Variants in ZNF669 observed in about 807,000 individuals in gnomAD.
The protein encoded by ZNF669 is zinc finger protein 669.
ZNF669 carries 7 observed loss-of-function variants against 11.4 expected under a neutral mutation model. The observed-to-expected ratio is 0.62, with a 90% CI of 0.35 to 1.16. The LOEUF (loss-of-function observed/expected upper bound fraction) is 1.16. Among genes scored for constraint, ZNF669 ranks in the 50% most tolerant of loss-of-function variants. ZNF669 has a pLI of 0.02. For missense variants in ZNF669, 492 were observed against 463.6 expected, an observed-to-expected ratio of 1.06 and a Z score of -0.56; for synonymous variants, 153 against 155.8, an observed-to-expected ratio of 0.98 and a Z score of 0.13.
intron 1 of ZNF669, among the ~76,000 whole-genome samples, chr1:247,103,487 A>G (rs1168285622): frequency 5.3e-5 from 8 of 152,004 alleles, no homozygotes; most frequent in African/African-American, 1.9e-4. Context: ...TACAAAAATT[A>G]GCTGGGCGTG....
Position 247,104,286 on chromosome 1 carries a change from C to T in ZNF669, c.-87G>A. The stretch of plus-strand genomic sequence containing the variant: ...GGTGGCAGAGGCTGCTGCAGAGCCA[C>T]CTGGGCCTCCCAGAGCCAAGAACTA... On this transcript the variant is annotated 5_prime_UTR_variant, in exon 1 of 4. The change creates a new upstream start codon in the 5' untranslated region. Transcript: ENST00000448299. 5 of 1,435,408 alleles carry T rather than the reference C, an allele frequency of 3.5e-6. No homozygotes were observed. The highest frequency in any genetic ancestry group is 4.6e-6 in the Non-Finnish European group (5 of 1,093,846). The allele number at this position is 1,435,408 out of a possible 1,614,324, so 88.9% of individuals were successfully genotyped here. A position where few individuals can be genotyped will look rare whatever the true frequency, so the allele number is the denominator to read the frequency against.
Position 247,103,632 on chromosome 1 carries a change from CAAAAAAAAAAAAA to C in ZNF669, c.3+552_3+564del, listed in dbSNP as rs58671011. Among the ~76,000 whole-genome samples, 9 of 49,978 alleles carry C rather than the reference CAAAAAAAAAAAAA, an allele frequency of 1.8e-4. No homozygotes were observed. The South Asian group carries it at 4.9e-3, about 27-fold the overall frequency. The allele number at this position is 49,978 out of a possible 152,430, so 32.8% of individuals were successfully genotyped here. On this transcript the variant is annotated intron_variant, in intron 1 of 3. Coordinates refer to ENST00000448299, the MANE Select transcript of ZNF669 (RefSeq NM_001142572.2). ...TGGCGACAGGGCGAGATTCCGTCTC[CAAAAAAAAAAAAA>C]AAAAAAAAAAAAAAGAATATGGTTT...
rs760725768 is a variant in ZNF669 at position 247,100,500 on chromosome 1, G to A, written c.1011C>T (p.Cys337=). ...TGEKPYECKK[C]GKAYTRSSHL... The stretch of plus-strand genomic sequence containing the variant: ...GACTGGAACGAGTGTAGGCTTTACC[G>A]CATTTCTTACATTCATAGGGTTTTT... Residue 337 remains cysteine (C), a synonymous_variant, in exon 4 of 4, where the codon TGC becomes TGT. Transcript: ENST00000448299. 4.3e-6 allele frequency: 7 copies of A among 1,614,060 alleles called. No individual in the cohort carries two copies. Among genetic ancestry groups the A allele is most frequent in the Middle Eastern group, 1.6e-4 (1 of 6,076 alleles).
Position 247,100,443 on chromosome 1 carries a change from T to C in ZNF669, c.1068A>G (p.Ile356Met). ...AGGCTGAGTCACTACACCCAGCCTC[T>C]ATATCATGACTTCTTTCATGGCGAG... ...HLTRHERSHD[I>M]EAGCSDSAYN... Residue 356 changes from isoleucine (I) to methionine (M), a missense_variant, in exon 4 of 4, where the codon ATA (isoleucine) becomes ATG (methionine). By Grantham distance (10) the Ile-to-Met change is conservative (BLOSUM62 1). Coordinates refer to ENST00000448299, the MANE Select transcript of ZNF669 (RefSeq NM_001142572.2). 1 of 1,614,216 alleles carries C rather than the reference T, an allele frequency of 6.2e-7. No homozygotes were observed. The highest frequency in any genetic ancestry group is 8.5e-7 in the Non-Finnish European group (1 of 1,180,040).
rs191137049 is a variant in ZNF669, at chr1:247,101,124, T to C, written c.387A>G (p.Lys129=). ...ATTTATATTGCTTCTCTCCATATGG[T>C]TTGTATCCTGAGTGAGCTAGGATAT... ...NRHILAHSGY[K]PYGEKQYKCE... Residue 129 remains lysine (K), a synonymous_variant, in exon 4 of 4, where the codon AAA becomes AAG. Coordinates refer to ENST00000448299, the MANE Select transcript of ZNF669 (RefSeq NM_001142572.2). 96 of 1,614,074 alleles carry C rather than the reference T, an allele frequency of 5.9e-5. 2 individuals carry two copies. The Admixed American group carries it at 1.5e-3, about 26-fold the overall frequency.
In ZNF669 at chr1:247,104,179, C is replaced by G. The variant is rs1671794337; in HGVS notation, c.3+18G>C. 2 of 1,532,440 alleles carry G rather than the reference C, an allele frequency of 1.3e-6. No individual in the cohort carries two copies. Among genetic ancestry groups the G allele is most frequent in the East Asian group, 4.6e-5 (2 of 43,578 alleles). The allele number at this position is 1,532,440 out of a possible 1,614,324, so 94.9% of individuals were successfully genotyped here. On this transcript the variant is annotated intron_variant, in intron 1 of 3. Transcript: ENST00000448299. ...AGCCCTCTTCTCCACTTCGGGAAGC[C>G]AGGCGCAGTCCACTCACCATTCCTC... is the stretch of plus-strand genomic sequence containing the variant.
intron 2 of ZNF669, 64 bp downstream of exon 2, chr1:247,101,923 C>T (rs1310684182): frequency 2.0e-5 from 33 of 1,611,238 alleles, no homozygotes; most frequent in Non-Finnish European, 2.5e-5. Context: ...CATTCCAAAT[C>T]ATAAATAGCA....
intron 1 of ZNF669, 43 bp downstream of exon 1, chr1:247,104,154 A>G (rs1232776964): frequency 1.9e-6 from 3 of 1,553,790 alleles, no homozygotes; most frequent in African/African-American, 2.8e-5. Context: ...GGTTTCAACC[A>G]GCCCTCTTCT....
rs747219179 is a variant in ZNF669, at chr1:247,100,716, G to GT, written c.794dup (p.Tyr265Ter). 2.2e-5 allele frequency: 35 copies of GT among 1,614,052 alleles called. No individual in the cohort carries two copies. The highest frequency in any genetic ancestry group is 3.0e-5 in the Non-Finnish European group (35 of 1,180,030). The change falls in exon 4 of 4, where the codon TAC becomes TAAC. Residue 265 changes from tyrosine to a stop codon, truncating the protein, a stop_gained and frameshift_variant. Coordinates refer to ENST00000448299, the MANE Select transcript of ZNF669 (RefSeq NM_001142572.2). LOFTEE classifies it low-confidence loss of function (END_TRUNC). ...KAFSCSTSLR[Y>*]HGSIHTGERP... ...TCTCTCCAGTATGAATGCTTCCATG[G>GT]TAACGAAGGGAAGTGGAACAGCTGA... is the stretch of plus-strand genomic sequence containing the variant.
rs41311577 is a variant in ZNF669, at chr1:247,100,612, C to T, written c.899G>A (p.Gly300Glu). 12 of 1,614,174 alleles carry T rather than the reference C, an allele frequency of 7.4e-6. No homozygotes were observed. Among genetic ancestry groups the T allele is most frequent in the Middle Eastern group, 1.6e-4 (1 of 6,062 alleles). ...TTGTTTACATTCATAGGGTTTCTCT[C>T]CGGTATGAGTACTTCTATGGTTACA... ...SLCNHRSTHTGEKPYECKQCD... is the reference protein window; with the variant it reads ...SLCNHRSTHTEEKPYECKQCD... The change falls in exon 4 of 4, where the codon GGA (glycine) becomes GAA (glutamate). Residue 300 changes from glycine (G) to glutamate (E), a missense_variant. Gly to Glu is a moderately conservative substitution (Grantham distance 98). Transcript: ENST00000448299.
intron 1 of ZNF669, among the ~76,000 whole-genome samples, chr1:247,102,335 C>T (rs1443692596): frequency 6.6e-6 from 1 of 152,176 alleles, no homozygotes; most frequent in African/African-American, 2.4e-5. Flanking sequence ...AGTGGAAATA[C>T]CCATCTCATT....
chr1:247,103,924 T>G, intron 1 of ZNF669: 4 of 1,586,798 alleles, frequency 2.5e-6, no homozygotes, highest in Non-Finnish European at 3.4e-6. Context: ...CACCCTCCCG[T>G]GGTCACCACA....
At position 247,100,732 on chromosome 1, in the gene ZNF669, G is replaced by C; in HGVS notation, c.779C>G (p.Ser260Cys). 6.2e-7 allele frequency: 1 copy of C among 1,614,172 alleles called. No homozygotes were observed. Among genetic ancestry groups the C allele is most frequent in the Non-Finnish European group, 8.5e-7 (1 of 1,180,022 alleles). The change falls in exon 4 of 4, where the codon TCC becomes TGC. Residue 260 changes from serine to cysteine, a missense_variant. By Grantham distance (112) the Ser-to-Cys change is moderately radical. Coordinates refer to ENST00000448299, the MANE Select transcript of ZNF669 (RefSeq NM_001142572.2). ...GCTTCCATGGTAACGAAGGGAAGTGGAACAGCTGAAGGCTTTATCACATTT... is the reference window on the plus strand; with the variant it reads ...GCTTCCATGGTAACGAAGGGAAGTGCAACAGCTGAAGGCTTTATCACATTT... ...CTKCDKAFSC[S>C]TSLRYHGSIH...
At chr1:247,102,769 T>C (rs745694279) in intron 1 of ZNF669, among the ~76,000 whole-genome samples, 2 of 152,224 alleles carry the variant, frequency 1.3e-5, no homozygotes, top group Non-Finnish European at 2.9e-5. Flanking sequence ...GTTGAGCCCA[T>C]TCCATGTGAT....
intron 1 of ZNF669, among the ~76,000 whole-genome samples, chr1:247,103,686 T>C (rs1490412420): frequency 6.7e-6 from 1 of 149,458 alleles, no homozygotes; most frequent in Non-Finnish European, 1.5e-5. Context: ...CTCATTAACC[T>C]TATCAAAGCC....
intron 1 of ZNF669, among the ~76,000 whole-genome samples, chr1:247,103,336 A>T (rs566359567): frequency 6.6e-6 from 1 of 152,288 alleles, no homozygotes. Context: ...AATGTTTGTA[A>T]ACAGAAAAAT....
intron 1 of ZNF669, 128 bp from the exon 2 acceptor site, chr1:247,102,241 A>G: frequency 8.8e-7 from 1 of 1,136,486 alleles, no homozygotes; most frequent in African/African-American, 1.6e-5. Context: ...CTTGATTGTC[A>G]CAACTCTTAC....
In ZNF669 at chr1:247,100,726, G is replaced by A. The variant is rs1325993521; in HGVS notation, c.785C>T (p.Ser262Phe). Residue 262 changes from serine (S) to phenylalanine (F), a missense_variant, in exon 4 of 4, where the codon TCC becomes TTC. Ser to Phe is a radical substitution (Grantham distance 155). Transcript: ENST00000448299. ...KCDKAFSCST[S>F]LRYHGSIHTG... ...ATGAATGCTTCCATGGTAACGAAGGGAAGTGGAACAGCTGAAGGCTTTATC... is the reference window on the plus strand; with the variant it reads ...ATGAATGCTTCCATGGTAACGAAGGAAAGTGGAACAGCTGAAGGCTTTATC... 1.9e-6 allele frequency: 3 copies of A among 1,614,200 alleles called. No individual in the cohort carries two copies. The highest frequency in any genetic ancestry group is 4.5e-5 in the East Asian group (2 of 44,886).
In ZNF669 at chr1:247,100,295, T is replaced by C. The variant is rs116693342; in HGVS notation, c.*79A>G. 2.6e-3 allele frequency: 2,374 copies of C among 917,870 alleles called. 42 individuals carry two copies. The African/African-American group carries it at 0.036, about 14-fold the overall frequency. 56.9% of individuals were successfully genotyped at this position (917,870 alleles called of 1,614,324 possible). A position where few individuals can be genotyped will look rare whatever the true frequency, so the allele number is the denominator to read the frequency against. On this transcript the variant is annotated 3_prime_UTR_variant, in exon 4 of 4. Transcript: ENST00000448299. The stretch of plus-strand genomic sequence containing the variant: ...CACCGTGCCCGGCATTATTTTATTT[T>C]TTGTAAAGACAGGGTTTCACCATGT...
Sources: gnomAD v4.1 joint callset for allele counts (sites outside exome capture counted in the v4.1 genomes callset) on GRCh38, gnomAD v4.1.1 for gene constraint, MANE v1.5 for transcripts, NCBI Gene and HGNC (gene_info 2026-07-23, HGNC 2026-07-21) for gene names.